PRAG1: variants seen among roughly 807,000 people sequenced by gnomAD.
The protein encoded by PRAG1 is PEAK1 related, kinase-activating pseudokinase 1.
Under a neutral mutation model 95.6 loss-of-function variants are expected in PRAG1, and 110 were observed. The ratio of observed to expected loss-of-function variants is 1.15; its 90% CI spans 0.99 to 1.35. The LOEUF (loss-of-function observed/expected upper bound fraction) is 1.35. Among genes scored for constraint, PRAG1 ranks in the 40% most tolerant of loss-of-function variants. The pLI is 0.00. For missense variants in PRAG1, 2,554 were observed against 1,864.7 expected (o/e 1.37, Z -6.81); for synonymous variants, 1,052 against 819.4 (o/e 1.28, Z -4.85).
chr8:8,344,419 A>T (rs1004341116), intron 3 of PRAG1, among the ~76,000 whole-genome samples: 1 of 152,230 alleles, frequency 6.6e-6, no homozygotes, highest in African/African-American at 2.4e-5. Flanking sequence ...TTAAAAACAT[A>T]TAAGGATATA....
chr8:8,366,627 C>G (rs1800016947), intron 3 of PRAG1, among the ~76,000 whole-genome samples: 1 of 151,868 alleles, frequency 6.6e-6, no homozygotes, highest in Admixed American at 6.6e-5. Flanking sequence ...AACTCTTAAA[C>G]TCTTGAATTA....
At position 8,376,930 on chromosome 8, in the gene PRAG1, AG is replaced by A; in HGVS notation, c.1478del (p.Pro493LeufsTer14). 6.2e-6 allele frequency: 10 copies of A among 1,613,392 alleles called. No homozygotes were observed. Among genetic ancestry groups the A allele is most frequent in the Non-Finnish European group, 8.5e-6 (10 of 1,179,998 alleles). On this transcript the variant is annotated frameshift_variant, in exon 3 of 6. Coordinates refer to ENST00000615670, the MANE Select transcript of PRAG1 (RefSeq NM_001080826.3). LOFTEE classifies it high-confidence loss of function. ...GCCACTGCACCCCCACTGCAGAGTC[AG>A]GGCTGCTCAGGTAGATCGTCCGATG... The part of the protein sequence containing the change: ...EDHRTIYLSS[P>X]DSAVGVQWPR...
chr8:8,376,742 G>C lies in PRAG1; in HGVS notation c.1667C>G (p.Ser556Cys), dbSNP rs773878783. 2 of 1,609,808 alleles carry C rather than the reference G, an allele frequency of 1.2e-6. No individual in the cohort carries two copies. Among genetic ancestry groups the C allele is most frequent in the East Asian group, 2.2e-5 (1 of 44,878 alleles). The change falls in exon 3 of 6, where the codon TCC becomes TGC. Residue 556 changes from serine (S) to cysteine (C), a missense_variant. Physicochemically the swap from Ser to Cys is moderately radical, Grantham distance 112 (BLOSUM62 -1). Coordinates refer to ENST00000615670, the MANE Select transcript of PRAG1 (RefSeq NM_001080826.3). ...PKLSKSSPVGSPVSPSAGGPP... is the reference protein window; with the variant it reads ...PKLSKSSPVGCPVSPSAGGPP... ...CCCTCCAGCAGACGGTGACACCGGG[G>C]ACCCTACAGGGCTACTCTTGGACAA...
At chr8:8,343,524 G>T (rs1434529641) in intron 3 of PRAG1, among the ~76,000 whole-genome samples, 2 of 152,354 alleles carry the variant, frequency 1.3e-5, no homozygotes, top group South Asian at 4.1e-4. Flanking sequence ...GAAAGGATTT[G>T]TGAAACTTTG....
intron 3 of PRAG1, among the ~76,000 whole-genome samples, chr8:8,369,879 C>A (rs1800135267): frequency 6.6e-6 from 1 of 151,884 alleles, no homozygotes. Context: ...CCTGTCTCAA[C>A]AAAGGGAATC....
intron 4 of PRAG1, among the ~76,000 whole-genome samples, chr8:8,333,334 G>A (rs754126653): frequency 6.6e-6 from 1 of 152,182 alleles, no homozygotes; most frequent in African/African-American, 2.4e-5. Flanking sequence ...CCTGGCTATA[G>A]AGTACAACAC....
In PRAG1 at chr8:8,319,216, G is replaced by C. The variant is rs770822750; in HGVS notation, c.3159C>G (p.His1053Gln). ...VHFNIQQDCG[H>Q]FVASVPSSML... ...TGCTGGACGGCACCGAGGCGACGAA[G>C]TGGCCGCAGTCCTGCTGGATGTTAA... The change falls in exon 6 of 6, where the codon CAC becomes CAG. Residue 1053 changes from histidine (H) to glutamine (Q), a missense_variant. His to Gln is a conservative substitution (Grantham distance 24, BLOSUM62 0). Coordinates refer to ENST00000615670, the MANE Select transcript of PRAG1 (RefSeq NM_001080826.3). 6.3e-7 allele frequency: 1 copy of C among 1,581,880 alleles called. No individual in the cohort carries two copies. The highest frequency in any genetic ancestry group is 8.6e-7 in the Non-Finnish European group (1 of 1,160,400).
intron 3 of PRAG1, among the ~76,000 whole-genome samples, chr8:8,372,884 T>C (rs1800257229): frequency 6.6e-6 from 1 of 152,170 alleles, no homozygotes; most frequent in Admixed American, 6.5e-5. Flanking sequence ...CATAATGACC[T>C]AAGGAAGCAG....
chr8:8,349,574 G>A (rs1485285330), intron 3 of PRAG1, among the ~76,000 whole-genome samples: 4 of 152,154 alleles, frequency 2.6e-5, no homozygotes, highest in East Asian at 3.9e-4. Context: ...GAGCCACCGC[G>A]CCCGGCCGGT....
At chr8:8,349,504 G>C (rs926602682) in intron 3 of PRAG1, among the ~76,000 whole-genome samples, 2 of 151,906 alleles carry the variant, frequency 1.3e-5, no homozygotes, top group South Asian at 2.1e-4. Context: ...GGATGGTCTC[G>C]ATCTCCTGAC....
rs1798321406 is a variant in PRAG1, at chr8:8,317,790, T to C, written c.*364A>G. 6.2e-6 allele frequency: 1 copy of C among 160,016 alleles called. No homozygotes were observed. The highest frequency in any genetic ancestry group is 6.4e-5 in the Admixed American group (1 of 15,546). The allele number at this position is 160,016 out of a possible 1,614,324, so 9.9% of individuals were successfully genotyped here. A position where few individuals can be genotyped will look rare whatever the true frequency, so the allele number is the denominator to read the frequency against. ...GAATTTTCTTCTTTTTTTTTTTTCT[T>C]TAAATAACAATTTGACAAAAGGGTG... On this transcript the variant is annotated 3_prime_UTR_variant, in exon 6 of 6. Transcript: ENST00000615670.
chr8:8,360,304 TTTC>T (rs1799805256), intron 3 of PRAG1, among the ~76,000 whole-genome samples: 1 of 151,938 alleles, frequency 6.6e-6, no homozygotes, highest in Admixed American at 6.6e-5. Flanking sequence ...CAGGGCCCCT[TTTC>T]TTCTTCTCTT....
At chr8:8,379,365 C>T (rs541100332) in intron 2 of PRAG1, among the ~76,000 whole-genome samples, 13 of 152,272 alleles carry the variant, frequency 8.5e-5, no homozygotes, top group African/African-American at 3.1e-4. Context: ...TCCTCCTTTA[C>T]CCCCACTTTT....
chr8:8,365,499 C>T (rs1585262859), intron 3 of PRAG1, among the ~76,000 whole-genome samples: 2 of 152,054 alleles, frequency 1.3e-5, no homozygotes, highest in African/African-American at 4.8e-5. Context: ...TGGCAGGTGC[C>T]TGTAATTCCA....
At chr8:8,325,919 A>G (rs1050916759) in intron 5 of PRAG1, among the ~76,000 whole-genome samples, 1 of 151,240 alleles carries the variant, frequency 6.6e-6, no homozygotes, top group Non-Finnish European at 1.5e-5. Flanking sequence ...CTCTAAATAA[A>G]TACATTAATA....
chr8:8,356,810 A>G (rs1339461242), intron 3 of PRAG1, among the ~76,000 whole-genome samples: 1 of 152,338 alleles, frequency 6.6e-6, no homozygotes, highest in East Asian at 1.9e-4. Context: ...AGTAATTTAA[A>G]AAGTGGAGTA....
intron 5 of PRAG1, among the ~76,000 whole-genome samples, chr8:8,324,386 G>A (rs1036759207): frequency 3.3e-5 from 5 of 152,214 alleles, no homozygotes; most frequent in Non-Finnish European, 7.3e-5. Context: ...CAAAATCAGT[G>A]CACTGGGCCT....
Position 8,377,125 on chromosome 8 carries a change from C to T in PRAG1, c.1284G>A (p.Lys428=). 1 of 1,613,090 alleles carries T rather than the reference C, an allele frequency of 6.2e-7. No individual in the cohort carries two copies. Among genetic ancestry groups the T allele is most frequent in the Non-Finnish European group, 8.5e-7 (1 of 1,180,012 alleles). ...KRKKAAPVPS[K]SQAKIEHAAA... is the part of the protein sequence containing the mutation. ...CTGCATGTTCTATCTTGGCCTGTGA[C>T]TTGGAAGGCACCGGAGCTGCCTTCT... Residue 428 remains lysine, a synonymous_variant, in exon 3 of 6, where the codon AAG becomes AAA. Coordinates refer to ENST00000615670, the MANE Select transcript of PRAG1 (RefSeq NM_001080826.3).
At chr8:8,332,374 G>A (rs1398137503) in intron 4 of PRAG1, among the ~76,000 whole-genome samples, 2 of 151,980 alleles carry the variant, frequency 1.3e-5, no homozygotes, top group Non-Finnish European at 2.9e-5. Flanking sequence ...TGTTGGCCAG[G>A]CTGGTCTTGA....
Sources: gnomAD v4.1 joint callset for allele counts (sites outside exome capture counted in the v4.1 genomes callset) on GRCh38, gnomAD v4.1.1 for gene constraint, MANE v1.5 for transcripts, NCBI Gene and HGNC (gene_info 2026-07-23, HGNC 2026-07-21) for gene names.